Variants in CDC25A observed in about 807,000 individuals in gnomAD.
CDC25A encodes M-phase inducer phosphatase 1.
CDC25A carries 17 observed loss-of-function variants against 64.6 expected under a neutral mutation model. The ratio of observed to expected loss-of-function variants is 0.26; its 90% confidence interval spans 0.18 to 0.39. The LOEUF is 0.39. CDC25A is among the 10% of genes least tolerant of loss of function. The pLI is 1.00. For synonymous variants in CDC25A, 229 were observed against 238.6 expected (o/e 0.96, Z 0.37); for missense variants, 473 against 654.8 (o/e 0.72, Z 3.03).
At position 48,188,142 on chromosome 3, in the gene CDC25A, G is replaced by GCCAGCCA. The variant is rs2032919612; in HGVS notation, c.-202_-196dup. The GCCAGCCA allele has an allele frequency of 5.3e-6, 2 of 379,880 alleles. No individual in the cohort carries two copies. The highest frequency in any genetic ancestry group is 2.1e-5 in the African/African-American group (1 of 47,220). 23.5% of individuals were successfully genotyped at this position (379,880 alleles called of 1,614,324 possible). A position where few individuals can be genotyped will look rare whatever the true frequency, so the allele number is the denominator to read the frequency against. ...GGGCGGGTGTGCGGACCCTCCAGGC[G>GCCAGCCA]CCAGCCACCAGCCACAGGCACGGGT... On this transcript the variant is annotated 5_prime_UTR_variant, in exon 1 of 15. Coordinates refer to ENST00000302506, the MANE Select transcript of CDC25A (RefSeq NM_001789.3).
At position 48,188,309 on chromosome 3, in the gene CDC25A, T is replaced by C. The variant is rs1262214953; in HGVS notation, c.-362A>G. On this transcript the variant is annotated 5_prime_UTR_variant, in exon 1 of 15. Coordinates refer to ENST00000302506, the MANE Select transcript of CDC25A (RefSeq NM_001789.3). ...GCCCAGGCTCACGCTGTCTTCGCTG[T>C]TCTCCCACCCGCTTGCCCAGCTCCG... The C allele has an allele frequency of 2.1e-5, 4 of 188,608 alleles. No homozygotes were observed. The highest frequency in any genetic ancestry group is 1.2e-4 in the Admixed American group (2 of 16,208). 11.7% of individuals were successfully genotyped at this position (188,608 alleles called of 1,614,324 possible). A position where few individuals can be genotyped will look rare whatever the true frequency, so the allele number is the denominator to read the frequency against.
At position 48,165,911 on chromosome 3, in the gene CDC25A, A is replaced by G; in HGVS notation, c.1030-18T>C. On this transcript the variant is annotated intron_variant, in intron 10 of 14. Coordinates refer to ENST00000302506, the MANE Select transcript of CDC25A (RefSeq NM_001789.3). ...AGATAACCCTTAAAAAGAAAAAAAG[A>G]TACTTAGAGAATCTGAAAGCCTATA... The G allele has an allele frequency of 6.8e-7, 1 of 1,470,568 alleles. No individual in the cohort carries two copies. Among genetic ancestry groups the G allele is most frequent in the Non-Finnish European group, 9.5e-7 (1 of 1,050,450 alleles). The allele number at this position is 1,470,568 out of a possible 1,614,324, so 91.1% of individuals were successfully genotyped here.
chr3:48,168,407 C>CACACACACAA (rs1491254554), intron 9 of CDC25A, among the ~76,000 whole-genome samples: 2 of 147,868 alleles, frequency 1.4e-5, no homozygotes, highest in African/African-American at 5.0e-5. Flanking sequence ...CACACACACA[C>CACACACACAA]AAGCTGGGCA....
chr3:48,168,895 G>A (rs2032161217), intron 9 of CDC25A, among the ~76,000 whole-genome samples: 1 of 152,054 alleles, frequency 6.6e-6, no homozygotes, highest in South Asian at 2.1e-4. Context: ...CAGGTGATCT[G>A]CCTGCCTTGG....
intron 8 of CDC25A, 45 bp from the exon 9 acceptor site, chr3:48,174,502 G>C: frequency 6.4e-7 from 1 of 1,560,912 alleles, no homozygotes; most frequent in Non-Finnish European, 8.7e-7. Context: ...ATTAAAACCT[G>C]TTCACTTGAA....
intron 9 of CDC25A, among the ~76,000 whole-genome samples, chr3:48,172,245 T>C (rs975564268): frequency 2.0e-5 from 3 of 152,192 alleles, no homozygotes. Flanking sequence ...AAATATTCTT[T>C]TAGAACAATA....
chr3:48,184,116 T>C (rs2106762300), intron 3 of CDC25A, among the ~76,000 whole-genome samples: 1 of 152,188 alleles, frequency 6.6e-6, no homozygotes, highest in African/African-American at 2.4e-5. Flanking sequence ...CTATGGGCAC[T>C]ATGGGAGGCC....
chr3:48,166,829 A>AT (rs1356506085), intron 10 of CDC25A, among the ~76,000 whole-genome samples: 2 of 152,204 alleles, frequency 1.3e-5, no homozygotes, highest in African/African-American at 2.4e-5. Flanking sequence ...ACTTGAGGCC[A>AT]TAAGTTTGAG....
Position 48,179,497 on chromosome 3 carries a change from C to G in CDC25A, c.549+1224G>C, listed in dbSNP as rs113978102. Among the ~76,000 whole-genome samples, 317 of 152,172 alleles carry G rather than the reference C, an allele frequency of 2.1e-3. 3 individuals carry two copies. The highest frequency in any genetic ancestry group is 6.8e-3 in the African/African-American group (284 of 41,514). ...CAATCCTCCCACTTCAGCCTCCCGA[C>G]TAATTGGGACTATAGGAACAAGCCA... On this transcript the variant is annotated intron_variant, in intron 6 of 14. Coordinates refer to ENST00000302506, the MANE Select transcript of CDC25A (RefSeq NM_001789.3).
chr3:48,163,900 T>C (rs2031893784), intron 13 of CDC25A, among the ~76,000 whole-genome samples: 1 of 152,212 alleles, frequency 6.6e-6, no homozygotes, highest in African/African-American at 2.4e-5. Flanking sequence ...AGGCTTGCAA[T>C]CCTTTTAGAA....
At chr3:48,163,853 G>A (rs951409924) in intron 13 of CDC25A, among the ~76,000 whole-genome samples, 2 of 152,150 alleles carry the variant, frequency 1.3e-5, no homozygotes, top group Non-Finnish European at 1.5e-5. Flanking sequence ...GTGTTTTACT[G>A]TAGTTACATT....
At chr3:48,168,032 A>G (rs2032103447) in intron 9 of CDC25A, 88 bp from the exon 10 acceptor site, 1 of 765,042 alleles carries the variant, frequency 1.3e-6, no homozygotes, top group Non-Finnish European at 2.3e-6. Context: ...CGAGGAGACT[A>G]AAATGTTAAT....
chr3:48,183,128 G>T (rs2032725464), intron 4 of CDC25A, 98 bp from the exon 5 acceptor site: 2 of 749,306 alleles, frequency 2.7e-6, no homozygotes, highest in East Asian at 5.3e-5. Flanking sequence ...TGAATAGGGG[G>T]TAGACTAGCT....
rs33925813 is a variant in CDC25A, at chr3:48,168,181, T to TAA, written c.931-239_931-238dup. 8.0e-3 allele frequency among the ~76,000 whole-genome samples: 992 copies of TAA among 124,110 alleles called. 13 individuals carry two copies. Among genetic ancestry groups the TAA allele is most frequent in the South Asian group, 0.058 (213 of 3,668 alleles). The allele number at this position is 124,110 out of a possible 152,430, so 81.4% of individuals were successfully genotyped here. On this transcript the variant is annotated intron_variant, in intron 9 of 14. Coordinates refer to ENST00000302506, the MANE Select transcript of CDC25A (RefSeq NM_001789.3). ...TGAAACTAAGTTTTCCTTCCTTCCT[T>TAA]AAAAAAAAAAAAAAAAAAAGGGGGT...
chr3:48,177,869 A>T lies in CDC25A; in HGVS notation c.669T>A (p.Asp223Glu). 2 of 1,614,072 alleles carry T rather than the reference A, an allele frequency of 1.2e-6. No individual in the cohort carries two copies. Among genetic ancestry groups the T allele is most frequent in the Non-Finnish European group, 1.7e-6 (2 of 1,180,004 alleles). ...CACACGGTACCTTCAGATTCTCTCCATCGAGAAGGTCCACGAAGCCATCAT... is the reference window on the plus strand; with the variant it reads ...CACACGGTACCTTCAGATTCTCTCCTTCGAGAAGGTCCACGAAGCCATCAT... ...DEDDGFVDLL[D>E]GENLKNEEET... The change falls in exon 7 of 15, where the codon GAT becomes GAA. Residue 223 changes from aspartate (D) to glutamate (E), a missense_variant. Asp to Glu is a conservative substitution (Grantham distance 45, BLOSUM62 2). Coordinates refer to ENST00000302506, the MANE Select transcript of CDC25A (RefSeq NM_001789.3).
intron 5 of CDC25A, chr3:48,181,771 GAAAT>G (rs1420727282): frequency 2.2e-6 from 1 of 454,514 alleles, no homozygotes; most frequent in East Asian, 3.9e-5. Context: ...AGTTCTGAGA[GAAAT>G]AAAACCATGA....
rs1263565707 is a variant in CDC25A at position 48,158,194 on chromosome 3, G to A, written c.*751C>T. The A allele has an allele frequency of 1.3e-5, 2 of 152,642 alleles. No homozygotes were observed. 9.5% of individuals were successfully genotyped at this position (152,642 alleles called of 1,614,324 possible). ...TCGGTAGCCAGTGGTGGGTCTGGGA[G>A]ATTTAGCTTATGTCAGGCAGCCAAG... On this transcript the variant is annotated 3_prime_UTR_variant, in exon 15 of 15. Transcript: ENST00000302506.
chr3:48,160,026 C>G (rs1207702757), intron 13 of CDC25A, among the ~76,000 whole-genome samples: 1 of 152,170 alleles, frequency 6.6e-6, no homozygotes, highest in Non-Finnish European at 1.5e-5. Context: ...TGCTCTGCCC[C>G]TTGTTCACCC....
chr3:48,184,035 AC>A, intron 3 of CDC25A, among the ~76,000 whole-genome samples, 199 bp from the exon 4 acceptor site: 1 of 152,166 alleles, frequency 6.6e-6, no homozygotes, highest in Middle Eastern at 3.4e-3. Context: ...GTGAAAAAAA[AC>A]AAACCCATGT....
Sources: allele counts gnomAD v4.1 joint callset (sites outside exome capture counted in the v4.1 genomes callset), GRCh38; gene constraint gnomAD v4.1.1; transcripts MANE v1.5; gene names NCBI Gene and HGNC (gene_info 2026-07-23, HGNC 2026-07-21).